The following ZNF618 variants were observed in gnomAD, a reference collection of about 807,000 sequenced individuals.
The protein encoded by ZNF618 is zinc finger protein 618, also known as neural precursor cell expressed, developmentally down-regulated 10.
In ZNF618, 34 loss-of-function variants were observed where a neutral mutation model predicts 103.0. The ratio of observed to expected loss-of-function variants is 0.33; its 90% confidence interval spans 0.25 to 0.44. The LOEUF (loss-of-function observed/expected upper bound fraction) is 0.44. ZNF618 is among the 20% of genes least tolerant of loss of function. The pLI is 1.00. For synonymous variants in ZNF618, 551 were observed against 542.2 expected (o/e 1.02, Z -0.23); for missense variants, 1,059 against 1,295.4 (o/e 0.82, Z 2.80).
At chr9:114,033,115 G>C (rs1844244808) in intron 12 of ZNF618, among the ~76,000 whole-genome samples, 1 of 152,158 alleles carries the variant, frequency 6.6e-6, no homozygotes, top group South Asian at 2.1e-4. Flanking sequence ...GTGCAGTTGA[G>C]AGAGCTCTAA....
rs180887117 is a variant in ZNF618 at position 114,008,586 on chromosome 9, G to A, written c.754+32G>A. On this transcript the variant is annotated intron_variant, in intron 9 of 14. Transcript: ENST00000374126. ...GGGATTCCCTCTGGGGCCAAGGGCT[G>A]GGTGGGGGCTGGCCAAGGGAGGCAG... 3.7e-5 allele frequency: 59 copies of A among 1,611,534 alleles called. No individual in the cohort carries two copies. The African/African-American group carries it at 6.4e-4, about 17-fold the overall frequency.
intron 3 of ZNF618, among the ~76,000 whole-genome samples, chr9:113,992,261 ACCT>A (rs1461544094): frequency 6.6e-6 from 1 of 151,918 alleles, no homozygotes; most frequent in Non-Finnish European, 1.5e-5. Flanking sequence ...GGTACCCATG[ACCT>A]CCTTATTTTA....
intron 9 of ZNF618, among the ~76,000 whole-genome samples, chr9:114,010,086 G>C (rs1842101152): frequency 6.6e-6 from 1 of 152,144 alleles, no homozygotes; most frequent in Admixed American, 6.5e-5. Context: ...AAGATGGGCG[G>C]ATCACCTGAG....
In ZNF618 at chr9:114,028,975, A is replaced by G; in HGVS notation, c.1084+3A>G. The G allele has an allele frequency of 6.5e-7, 1 of 1,549,772 alleles. No homozygotes were observed. Among genetic ancestry groups the G allele is most frequent in the South Asian group, 1.2e-5 (1 of 84,014 alleles). On this transcript the variant is annotated splice_donor_region_variant and intron_variant, in intron 11 of 14. Coordinates refer to ENST00000374126, the MANE Select transcript of ZNF618 (RefSeq NM_001318042.2). Reference sequence around the variant, plus strand: ...TCCGGCGAGCAAGGCAACCGCAGGTACCAATGGCCTATGTGACCCCCACAC... The same window carrying G: ...TCCGGCGAGCAAGGCAACCGCAGGTGCCAATGGCCTATGTGACCCCCACAC...
chr9:114,048,018 G>T, intron 14 of ZNF618, 24 bp downstream of exon 14: 1 of 1,550,590 alleles, frequency 6.4e-7, no homozygotes, highest in South Asian at 1.2e-5. Context: ...AGCAGGGCTG[G>T]ACCTGAGGGT....
intron 1 of ZNF618, among the ~76,000 whole-genome samples, chr9:113,959,980 C>T (rs1452608883): frequency 6.6e-6 from 1 of 152,236 alleles, no homozygotes; most frequent in Non-Finnish European, 1.5e-5. Context: ...CCATCTCTCC[C>T]AGGGGCCCAG....
At position 113,982,405 on chromosome 9, in the gene ZNF618, G is replaced by A. The variant is rs77199284; in HGVS notation, c.78-5916G>A. Among the ~76,000 whole-genome samples, 198 of 152,058 alleles carry A rather than the reference G, an allele frequency of 1.3e-3. 5 individuals carry two copies. In the East Asian group the frequency reaches 0.03, roughly 23 times the overall value. The stretch of plus-strand genomic sequence containing the variant: ...CCACATCATTCCAGCTCTACCTCTC[G>A]GGGCGCATTGCCTTCTCTCCTCTGT... On this transcript the variant is annotated intron_variant, in intron 2 of 14. Coordinates refer to ENST00000374126, the MANE Select transcript of ZNF618 (RefSeq NM_001318042.2).
At chr9:113,993,131 C>T (rs763668926) in intron 3 of ZNF618, among the ~76,000 whole-genome samples, 1 of 152,194 alleles carries the variant, frequency 6.6e-6, no homozygotes, top group Non-Finnish European at 1.5e-5. Flanking sequence ...CAGCTCTGTA[C>T]AGCAGCCCCA....
intron 6 of ZNF618, among the ~76,000 whole-genome samples, chr9:114,007,084 G>C (rs1315327942): frequency 6.6e-6 from 1 of 152,220 alleles, no homozygotes; most frequent in Non-Finnish European, 1.5e-5. Context: ...CAGGGAAGGG[G>C]TGATGTAGGG....
At chr9:113,886,155 G>A (rs146344405) in intron 1 of ZNF618, among the ~76,000 whole-genome samples, 1 of 152,282 alleles carries the variant, frequency 6.6e-6, no homozygotes, top group African/African-American at 2.4e-5. Flanking sequence ...CAAGTCCCTG[G>A]CTCGCAGTTT....
chr9:114,036,046 G>A (rs936877209), intron 12 of ZNF618, among the ~76,000 whole-genome samples: 1 of 152,200 alleles, frequency 6.6e-6, no homozygotes, highest in Non-Finnish European at 1.5e-5. Flanking sequence ...CTGGCACGCA[G>A]TAAGCACTCA....
intron 13 of ZNF618, among the ~76,000 whole-genome samples, chr9:114,044,005 G>A (rs1297510525): frequency 1.3e-5 from 2 of 152,146 alleles, no homozygotes; most frequent in African/African-American, 4.8e-5. Flanking sequence ...TGGGTTATCT[G>A]TTTACTCTGC....
At chr9:114,007,242 C>A in intron 6 of ZNF618, 108 bp from the exon 7 acceptor site, 1 of 865,874 alleles carries the variant, frequency 1.2e-6, no homozygotes, top group Non-Finnish European at 1.8e-6. Context: ...CTCCGCTAGC[C>A]AGACTGGGCT....
intron 2 of ZNF618, among the ~76,000 whole-genome samples, chr9:113,987,953 T>A (rs1278425008): frequency 1.3e-5 from 2 of 152,228 alleles, no homozygotes; most frequent in African/African-American, 4.8e-5. Flanking sequence ...AGTACTGATT[T>A]CAGCCAGCTG....
At chr9:114,003,463 A>G (rs1393077193) in intron 6 of ZNF618, among the ~76,000 whole-genome samples, 1 of 152,226 alleles carries the variant, frequency 6.6e-6, no homozygotes, top group Non-Finnish European at 1.5e-5. Context: ...AAGCCCCCAA[A>G]TGCCCAGAGC....
chr9:113,886,741 G>A (rs1164937968), intron 1 of ZNF618, among the ~76,000 whole-genome samples: 1 of 151,902 alleles, frequency 6.6e-6, no homozygotes, highest in Non-Finnish European at 1.5e-5. Context: ...GTAACAGATA[G>A]CATCTAAGCC....
chr9:113,935,460 G>A (rs1226317694), intron 1 of ZNF618, among the ~76,000 whole-genome samples: 19 of 152,166 alleles, frequency 1.2e-4, no homozygotes, highest in Non-Finnish European at 2.8e-4. Flanking sequence ...AGTGATGGAA[G>A]CACCACCTGC....
chr9:114,020,691 A>AT (rs1329290624), intron 10 of ZNF618, among the ~76,000 whole-genome samples: 3 of 152,038 alleles, frequency 2.0e-5, no homozygotes, highest in Non-Finnish European at 2.9e-5. Flanking sequence ...GTTCTAATAG[A>AT]TTTTTTTAGA....
intron 1 of ZNF618, 28 bp downstream of exon 1, chr9:113,876,441 C>G (rs1443792881): frequency 1.7e-6 from 2 of 1,198,882 alleles, no homozygotes; most frequent in East Asian, 3.4e-5. Context: ...GGGCATGCAC[C>G]GCGCGGGGGA....
Sources: allele counts gnomAD v4.1 joint callset (sites outside exome capture counted in the v4.1 genomes callset), GRCh38; gene constraint gnomAD v4.1.1; transcripts MANE v1.5; gene names NCBI Gene and HGNC (gene_info 2026-07-23, HGNC 2026-07-21).